Variants in DZANK1 observed in about 807,000 individuals in gnomAD.
DZANK1 encodes the protein double zinc ribbon and ankyrin repeat domains 1, also known as double zinc ribbon and ankyrin repeat-containing protein 1.
Under a neutral mutation model 94.5 loss-of-function variants are expected in DZANK1, and 91 were observed. The ratio of observed to expected loss-of-function variants is 0.96; its 90% confidence interval spans 0.81 to 1.15. The LOEUF (loss-of-function observed/expected upper bound fraction) is 1.15, where lower values mean the gene tolerates loss of function less well. DZANK1 is among the 50% of genes most tolerant of loss of function. The probability of loss-of-function intolerance (pLI) is 0.00; values close to 1 mark genes in which losing one functional copy is unlikely to be tolerated. For synonymous variants in DZANK1, 312 were observed against 325.3 expected (o/e 0.96, Z 0.44); for missense variants, 903 against 916.4 (o/e 0.99, Z 0.19).
intron 6 of DZANK1, chr20:18,452,048 A>C: frequency 2.5e-6 from 1 of 399,420 alleles, no homozygotes; most frequent in Non-Finnish European, 4.8e-6. Context: ...ACCATACCTG[A>C]CCGTTAGAAT....
intron 19 of DZANK1, among the ~76,000 whole-genome samples, chr20:18,387,572 C>T (rs1444413219): frequency 1.3e-5 from 2 of 152,152 alleles, no homozygotes; most frequent in Non-Finnish European, 2.9e-5. Context: ...ATCGCCAATG[C>T]AGTGAGGAAG....
Position 18,385,108 on chromosome 20 carries a change from A to G in DZANK1, c.2019-18T>C, listed in dbSNP as rs1600683972. On this transcript the variant is annotated intron_variant, in intron 19 of 20. Transcript: ENST00000262547. ...TTCTGAGCCTAATGAGGGGGGAAAA[A>G]TCCTGGATAAATCCTTAGTTAGCAT... 2 of 1,551,302 alleles carry G rather than the reference A, an allele frequency of 1.3e-6. No homozygotes were observed. The highest frequency in any genetic ancestry group is 1.7e-6 in the Non-Finnish European group (2 of 1,146,784).
chr20:18,396,380 T>C, intron 15 of DZANK1, 92 bp downstream of exon 15: 1 of 1,088,630 alleles, frequency 9.2e-7, no homozygotes, highest in Non-Finnish European at 1.3e-6. Context: ...AAACTTTTCC[T>C]TTCTATGGAT....
intron 19 of DZANK1, among the ~76,000 whole-genome samples, chr20:18,386,565 G>C (rs907672463): frequency 6.6e-6 from 1 of 152,038 alleles, no homozygotes; most frequent in African/African-American, 2.4e-5. Flanking sequence ...TTATTCAATA[G>C]GAAGAATGGA....
chr20:18,458,716 C>G (rs1389825691), intron 3 of DZANK1, among the ~76,000 whole-genome samples: 3 of 152,172 alleles, frequency 2.0e-5, no homozygotes, highest in African/African-American at 7.2e-5. Flanking sequence ...ATCCAGGGAT[C>G]ACCTGAATCT....
chr20:18,403,281 C>G (rs1178755477), intron 13 of DZANK1, among the ~76,000 whole-genome samples: 1 of 152,190 alleles, frequency 6.6e-6, no homozygotes, highest in Non-Finnish European at 1.5e-5. Flanking sequence ...CAGCACAAGT[C>G]CAATGTTGGG....
chr20:18,407,263 A>G (rs762841166), intron 13 of DZANK1, among the ~76,000 whole-genome samples: 1 of 152,210 alleles, frequency 6.6e-6, no homozygotes, highest in African/African-American at 2.4e-5. Flanking sequence ...CAGCACACAA[A>G]GAGAGACTGT....
chr20:18,384,469 G>A, exon 21 of DZANK1: 1 of 1,611,532 alleles, frequency 6.2e-7, no homozygotes. Context: ...AAACTTGGCA[G>A]CAAAGAGTGA....
chr20:18,403,788 CT>C (rs2056808170), intron 13 of DZANK1, among the ~76,000 whole-genome samples: 1 of 142,872 alleles, frequency 7.0e-6, no homozygotes, highest in South Asian at 2.2e-4. Flanking sequence ...CATAAACTAA[CT>C]TTCTTTCTTT....
intron 13 of DZANK1, among the ~76,000 whole-genome samples, chr20:18,412,041 C>T (rs775378489): frequency 2.6e-5 from 4 of 152,152 alleles, no homozygotes; most frequent in Admixed American, 2.0e-4. Flanking sequence ...ATTTCCAAAA[C>T]GTCCCGCCAC....
chr20:18,451,180 A>G (rs1423643660), intron 6 of DZANK1, among the ~76,000 whole-genome samples: 1 of 152,070 alleles, frequency 6.6e-6, no homozygotes, highest in Non-Finnish European at 1.5e-5. Flanking sequence ...TCCTGACCTC[A>G]TGATCTGCCT....
chr20:18,389,964 G>C, intron 18 of DZANK1, 136 bp from the exon 19 acceptor site: 1 of 1,357,130 alleles, frequency 7.4e-7, no homozygotes, highest in South Asian at 1.4e-5. Context: ...AAGGAGAGGA[G>C]AATCAGGAAC....
rs2056541206 is a variant in DZANK1, at chr20:18,399,364, G to A, written c.1433-738C>T. 2.0e-5 allele frequency among the ~76,000 whole-genome samples: 3 copies of A among 152,118 alleles called. No homozygotes were observed. The South Asian group carries it at 6.2e-4, about 32-fold the overall frequency. ...CCCACCTCAGCCACCCACGTAGCTG[G>A]AAATTCAAGCACGCACCACAACGCC... On this transcript the variant is annotated intron_variant, in intron 13 of 20. Coordinates refer to ENST00000262547, the Ensembl canonical transcript of DZANK1.
At chr20:18,398,351 G>C in intron 14 of DZANK1, 172 bp downstream of exon 14, 1 of 600,922 alleles carries the variant, frequency 1.7e-6, no homozygotes. Context: ...ATATTCATGT[G>C]CAAGTGATTT....
At chr20:18,414,994 T>A (rs1343668112) in intron 11 of DZANK1, among the ~76,000 whole-genome samples, 1 of 152,200 alleles carries the variant, frequency 6.6e-6, no homozygotes, top group Admixed American at 6.5e-5. Flanking sequence ...ACTCTAAAAC[T>A]TTTTTGTTAT....
In DZANK1 at chr20:18,450,032, C is replaced by G. The variant is rs141194623; in HGVS notation, c.544-963G>C. ...AGCAGAGGTTGTGGTGAGCCAAGATCATGCCACTGCACTCCAGCCTGGGCA... is the reference window on the plus strand; with the variant it reads ...AGCAGAGGTTGTGGTGAGCCAAGATGATGCCACTGCACTCCAGCCTGGGCA... On this transcript the variant is annotated intron_variant, in intron 6 of 20. Transcript: ENST00000262547. 2.5e-3 allele frequency among the ~76,000 whole-genome samples: 384 copies of G among 150,660 alleles called. 6 individuals carry two copies. Among genetic ancestry groups the G allele is most frequent in the Admixed American group, 0.021 (324 of 15,102 alleles).
At chr20:18,384,398 G>A in exon 21 of DZANK1, 1 of 1,608,932 alleles carries the variant, frequency 6.2e-7, no homozygotes, top group Non-Finnish European at 8.5e-7. Flanking sequence ...AGGCCTCAGG[G>A]CTAACAGTCA....
Position 18,384,431 on chromosome 20 carries a change from G to A in DZANK1, c.2227C>T (p.Gln743Ter), listed in dbSNP as rs2048355312. ...TCATCCAGGCTGAGGCTCCTAGTTT[G>A]AGCGAGTTGGTCCTCAAGCCCTTGG... Residue 743 changes from glutamine to a stop codon, truncating the protein, a stop_gained, in exon 21 of 21, where the codon CAA becomes TAA. Coordinates refer to ENST00000262547, the Ensembl canonical transcript of DZANK1. LOFTEE classifies it high-confidence loss of function. 1 of 1,611,574 alleles carries A rather than the reference G, an allele frequency of 6.2e-7. No homozygotes were observed. The highest frequency in any genetic ancestry group is 1.3e-5 in the African/African-American group (1 of 74,908).
Position 18,413,138 on chromosome 20 carries a change from T to C in DZANK1, c.1243-303A>G, listed in dbSNP as rs143400891. 826 of 476,072 alleles carry C rather than the reference T, an allele frequency of 1.7e-3. 7 individuals carry two copies. In the Admixed American group the frequency reaches 0.022, roughly 13 times the overall value. The allele number at this position is 476,072 out of a possible 1,614,324, so 29.5% of individuals were successfully genotyped here. A position where few individuals can be genotyped will look rare whatever the true frequency, so the allele number is the denominator to read the frequency against. ...AAGATATCTATCCTTTTCAGCTCTG[T>C]AATCCAATAGAGCATAGACTTCACT... On this transcript the variant is annotated intron_variant, in intron 12 of 20. Transcript: ENST00000262547.
Sources: allele counts gnomAD v4.1 joint callset (sites outside exome capture counted in the v4.1 genomes callset), GRCh38; gene constraint gnomAD v4.1.1; transcripts MANE v1.5; gene names NCBI Gene and HGNC (gene_info 2026-07-23, HGNC 2026-07-21).